ARHGAP10: variants seen among roughly 807,000 people sequenced by gnomAD.
The protein encoded by ARHGAP10 is rho GTPase-activating protein 10.
In ARHGAP10, 87 loss-of-function variants were observed where a neutral mutation model predicts 108.6. The ratio of observed to expected loss-of-function variants is 0.80; its 90% CI spans 0.67 to 0.96. The LOEUF (loss-of-function observed/expected upper bound fraction) is 0.96, where lower values mean the gene tolerates loss of function less well. ARHGAP10 is among the 40% of genes least tolerant of loss of function. ARHGAP10 has a pLI of 0.00. For missense variants in ARHGAP10, 939 were observed against 954.5 expected (o/e 0.98, Z 0.21); for synonymous variants, 347 against 341.1 (o/e 1.02, Z -0.19).
intron 5 of ARHGAP10, chr4:147,857,902 TAGGA>T (rs1253096195): frequency 1.0e-5 from 2 of 199,742 alleles, no homozygotes; most frequent in African/African-American, 4.6e-5. Flanking sequence ...CATTATTTTA[TAGGA>T]ACATAACTTT....
chr4:147,822,823 G>T lies in ARHGAP10; in HGVS notation c.250+1G>T. The T allele has an allele frequency of 6.2e-7, 1 of 1,614,110 alleles. No homozygotes were observed. The highest frequency in any genetic ancestry group is 8.5e-7 in the Non-Finnish European group (1 of 1,179,972). The stretch of plus-strand genomic sequence containing the variant: ...GTGACAGATGATGAACGATGCATAG[G>T]TAATTAAACATGATATTTTGGTTTG... On this transcript the variant is annotated splice_donor_variant, in intron 2 of 22. Transcript: ENST00000336498. LOFTEE classifies it high-confidence loss of function.
chr4:148,023,074 T>G (rs1741630015), intron 18 of ARHGAP10, 189 bp from the exon 19 acceptor site: 1 of 515,314 alleles, frequency 1.9e-6, no homozygotes. Flanking sequence ...ATCAGAGATT[T>G]TATTTTGGAA....
intron 14 of ARHGAP10, among the ~76,000 whole-genome samples, chr4:147,942,966 G>A (rs1041555641): frequency 3.3e-5 from 5 of 152,234 alleles, no homozygotes; most frequent in Admixed American, 6.5e-5. Flanking sequence ...TTTGGTAGAA[G>A]TTGTTATTGT....
chr4:148,037,488 AT>A (rs1299234021), intron 19 of ARHGAP10, among the ~76,000 whole-genome samples: 1 of 152,140 alleles, frequency 6.6e-6, no homozygotes, highest in African/African-American at 2.4e-5. Flanking sequence ...TATGTACCAC[AT>A]TTGAGGAAAC....
intron 18 of ARHGAP10, among the ~76,000 whole-genome samples, chr4:148,021,668 C>A (rs1435277938): frequency 1.3e-5 from 2 of 152,290 alleles, no homozygotes; most frequent in East Asian, 3.9e-4. Flanking sequence ...GTTCCCACCA[C>A]CCCACAACCT....
chr4:147,745,120 G>A (rs1370472070), intron 1 of ARHGAP10, among the ~76,000 whole-genome samples: 1 of 152,024 alleles, frequency 6.6e-6, no homozygotes, highest in Non-Finnish European at 1.5e-5. Context: ...ACAAGGCCAT[G>A]CCACAGAGAG....
chr4:147,859,222 C>T (rs941236534), intron 5 of ARHGAP10, among the ~76,000 whole-genome samples: 5 of 151,846 alleles, frequency 3.3e-5, no homozygotes, highest in Non-Finnish European at 5.9e-5. Flanking sequence ...TTTTCCTGAC[C>T]TTCTTATTTA....
At chr4:148,007,268 G>A (rs1285258552) in intron 18 of ARHGAP10, among the ~76,000 whole-genome samples, 3 of 152,110 alleles carry the variant, frequency 2.0e-5, no homozygotes, top group African/African-American at 7.2e-5. Flanking sequence ...ACATTAAGAT[G>A]AGATGAGATG....
At chr4:147,897,841 G>A (rs1360265091) in intron 10 of ARHGAP10, among the ~76,000 whole-genome samples, 1 of 152,180 alleles carries the variant, frequency 6.6e-6, no homozygotes, top group East Asian at 1.9e-4. Context: ...ACATGTGGGT[G>A]TAACTTTTTT....
In ARHGAP10 at chr4:147,931,313, GAA is replaced by G. The variant is rs5862824; in HGVS notation, c.1229-8499_1229-8498del. Among the ~76,000 whole-genome samples, 686 of 145,808 alleles carry G rather than the reference GAA, an allele frequency of 4.7e-3. 12 individuals carry two copies. Among genetic ancestry groups the G allele is most frequent in the East Asian group, 0.044 (222 of 5,060 alleles). Reference sequence around the variant, plus strand: ...AATCTCAATCTAATTTATTAAGAGAGAAAAAAAAAAAAAACTTGGGGCCTGTA... The same window carrying G: ...AATCTCAATCTAATTTATTAAGAGAGAAAAAAAAAAAACTTGGGGCCTGTA... On this transcript the variant is annotated intron_variant, in intron 13 of 22. Coordinates refer to ENST00000336498, the MANE Select transcript of ARHGAP10 (RefSeq NM_024605.4).
intron 1 of ARHGAP10, among the ~76,000 whole-genome samples, chr4:147,795,944 C>T (rs773640985): frequency 3.3e-5 from 5 of 152,086 alleles, no homozygotes; most frequent in African/African-American, 7.2e-5. Context: ...CCGCCCACCT[C>T]GGCCTCTCAA....
Position 147,954,809 on chromosome 4 carries a change from T to C in ARHGAP10, c.1392-507T>C, listed in dbSNP as rs569024965. Among the ~76,000 whole-genome samples the C allele has an allele frequency of 3.3e-5, 5 of 152,170 alleles. No homozygotes were observed. The South Asian group carries it at 8.3e-4, about 25-fold the overall frequency. The stretch of plus-strand genomic sequence containing the variant: ...TGTATATTTTTAAAGTTGTCATCAA[T>C]TTTATTTCATCTCTCATCTTATAGG... On this transcript the variant is annotated intron_variant, in intron 15 of 22. Coordinates refer to ENST00000336498, the MANE Select transcript of ARHGAP10 (RefSeq NM_024605.4).
chr4:147,871,249 C>T lies in ARHGAP10; in HGVS notation c.703-3772C>T, dbSNP rs372641423. Among the ~76,000 whole-genome samples, 117 of 152,124 alleles carry T rather than the reference C, an allele frequency of 7.7e-4. No individual in the cohort carries two copies. In the South Asian group the frequency reaches 8.1e-3, roughly 11 times the overall value. ...CTGGGATTATAGGTGTGAGCCACCA[C>T]GTCCGGCCGTGTGTGTGTTTTTAAA... On this transcript the variant is annotated intron_variant, in intron 7 of 22. Transcript: ENST00000336498.
intron 10 of ARHGAP10, among the ~76,000 whole-genome samples, chr4:147,893,331 T>TA (rs1248105605): frequency 6.6e-6 from 1 of 152,048 alleles, no homozygotes; most frequent in East Asian, 1.9e-4. Context: ...GTGCTGGGAT[T>TA]ACAGACGTGA....
intron 18 of ARHGAP10, among the ~76,000 whole-genome samples, chr4:148,011,179 T>G (rs1422380664): frequency 6.6e-6 from 1 of 152,240 alleles, no homozygotes; most frequent in Non-Finnish European, 1.5e-5. Context: ...ATTGATCCCT[T>G]GGTTGGGTGT....
At chr4:148,040,753 G>A (rs914002305) in intron 19 of ARHGAP10, among the ~76,000 whole-genome samples, 4 of 151,956 alleles carry the variant, frequency 2.6e-5, no homozygotes, top group African/African-American at 7.3e-5. Context: ...GTTTCTGTTC[G>A]ACAGAAATGT....
intron 1 of ARHGAP10, among the ~76,000 whole-genome samples, chr4:147,799,801 G>A (rs974541993): frequency 6.6e-6 from 1 of 152,148 alleles, no homozygotes; most frequent in Non-Finnish European, 1.5e-5. Flanking sequence ...TTATCTCAGG[G>A]TTAGGGTCAG....
At chr4:147,873,225 G>A (rs1403935535) in intron 7 of ARHGAP10, among the ~76,000 whole-genome samples, 2 of 152,118 alleles carry the variant, frequency 1.3e-5, no homozygotes, top group South Asian at 4.1e-4. Context: ...GGACCAGAAG[G>A]TAAGGAACTG....
chr4:147,759,580 G>C (rs1007447376), intron 1 of ARHGAP10, among the ~76,000 whole-genome samples: 7 of 139,470 alleles, frequency 5.0e-5, no homozygotes, highest in African/African-American at 1.1e-4. Flanking sequence ...GTGATACACC[G>C]CCCCCCCCCC....
Sources: allele counts gnomAD v4.1 joint callset (sites outside exome capture counted in the v4.1 genomes callset), GRCh38; gene constraint gnomAD v4.1.1; transcripts MANE v1.5; gene names NCBI Gene and HGNC (gene_info 2026-07-23, HGNC 2026-07-21).